Variants in EXOC6B observed in about 807,000 individuals in gnomAD.
EXOC6B encodes the protein exocyst complex component 6B.
EXOC6B carries 54 observed loss-of-function variants against 113.5 expected under a neutral mutation model. That is an observed-to-expected ratio of 0.48 (90% confidence interval 0.38 to 0.60). The LOEUF (loss-of-function observed/expected upper bound fraction) is 0.60, where lower values mean the gene tolerates loss of function less well. Ranked by LOEUF, EXOC6B falls within the 20% of genes least tolerant of loss-of-function variation. The probability of loss-of-function intolerance (pLI) is 0.00; values close to 1 mark genes in which losing one functional copy is unlikely to be tolerated. For missense variants in EXOC6B, 797 were observed against 977.5 expected (o/e 0.82, Z 2.46); for synonymous variants, 357 against 339.0 (o/e 1.05, Z -0.58).
At chr2:72,186,538 T>TAA (rs35998544) in intron 20 of EXOC6B, among the ~76,000 whole-genome samples, 14,721 of 149,170 alleles carry the variant, frequency 0.099, 1,178 homozygotes, top group African/African-American at 0.23. Context: ...TTTTCACAAA[T>TAA]AAAAAAAAAA....
At chr2:72,244,729 C>T (rs906933401) in intron 20 of EXOC6B, among the ~76,000 whole-genome samples, 1 of 152,010 alleles carries the variant, frequency 6.6e-6, no homozygotes, top group African/African-American at 2.4e-5. Flanking sequence ...ATGACTGATA[C>T]ACCATTAACA....
At position 72,600,333 on chromosome 2, in the gene EXOC6B, T is replaced by C. The variant is rs571949928; in HGVS notation, c.670-24665A>G. Among the ~76,000 whole-genome samples the C allele has an allele frequency of 3.3e-5, 5 of 150,140 alleles. No homozygotes were observed. The Admixed American group carries it at 3.3e-4, about 10-fold the overall frequency. On this transcript the variant is annotated intron_variant, in intron 6 of 21. Coordinates refer to ENST00000272427, the MANE Select transcript of EXOC6B (RefSeq NM_015189.3). ...GCATACACCTGTTAGTCCCAGCTAC[T>C]GGGGAGGATGAGGTGGGCGTTTCCC...
intron 20 of EXOC6B, among the ~76,000 whole-genome samples, chr2:72,282,539 CAG>C (rs1237051964): frequency 2.7e-5 from 4 of 150,736 alleles, no homozygotes; most frequent in East Asian, 3.9e-4. Flanking sequence ...AAGTAGAAAA[CAG>C]AAAGTATAAG....
intron 19 of EXOC6B, among the ~76,000 whole-genome samples, chr2:72,351,762 T>C (rs2104944668): frequency 6.6e-6 from 1 of 152,296 alleles, no homozygotes; most frequent in East Asian, 1.9e-4. Context: ...CCTTTTGCTA[T>C]AATTATTTTT....
intron 6 of EXOC6B, among the ~76,000 whole-genome samples, chr2:72,699,649 T>C (rs529326010): frequency 4.5e-4 from 68 of 152,260 alleles, no homozygotes; most frequent in Non-Finnish European, 8.5e-4. Flanking sequence ...CTTTCTTATA[T>C]GGTTTATTTA....
chr2:72,442,395 T>A (rs890457861), intron 18 of EXOC6B, among the ~76,000 whole-genome samples: 5 of 152,142 alleles, frequency 3.3e-5, no homozygotes, highest in African/African-American at 4.8e-5. Flanking sequence ...GTAATGGAAG[T>A]TCTGGCCAAG....
chr2:72,750,222 A>G (rs1031880122), intron 1 of EXOC6B, among the ~76,000 whole-genome samples: 1 of 152,024 alleles, frequency 6.6e-6, no homozygotes, highest in Non-Finnish European at 1.5e-5. Context: ...CTTTAACTCT[A>G]TAAGCAATTA....
chr2:72,361,097 G>A (rs1319749126), intron 19 of EXOC6B, among the ~76,000 whole-genome samples: 2 of 152,026 alleles, frequency 1.3e-5, no homozygotes, highest in African/African-American at 4.8e-5. Context: ...CAGTGTTAAG[G>A]GTGAAAAGAA....
At chr2:72,231,026 T>C (rs1335702655) in intron 20 of EXOC6B, among the ~76,000 whole-genome samples, 4 of 152,184 alleles carry the variant, frequency 2.6e-5, no homozygotes, top group Non-Finnish European at 5.9e-5. Flanking sequence ...TTAACATTGA[T>C]TTAATAAAAT....
chr2:72,772,933 C>T (rs1037910822), intron 1 of EXOC6B, among the ~76,000 whole-genome samples: 1 of 151,884 alleles, frequency 6.6e-6, no homozygotes, highest in Admixed American at 6.6e-5. Flanking sequence ...CAGTAGCCAG[C>T]CCTAAAGAAA....
intron 1 of EXOC6B, among the ~76,000 whole-genome samples, chr2:72,778,052 TA>T (rs1198437541): frequency 6.6e-6 from 1 of 151,896 alleles, no homozygotes; most frequent in African/African-American, 2.4e-5. Flanking sequence ...ACACACAAAA[TA>T]AATAGCAAAA....
At chr2:72,749,202 T>A (rs1681887513) in intron 1 of EXOC6B, among the ~76,000 whole-genome samples, 1 of 152,132 alleles carries the variant, frequency 6.6e-6, no homozygotes, top group Admixed American at 6.6e-5. Context: ...CTGGTGATAC[T>A]TATTGACTCT....
Position 72,687,181 on chromosome 2 carries a change from T to C in EXOC6B, c.669+30922A>G, listed in dbSNP as rs538130447. The stretch of plus-strand genomic sequence containing the variant: ...TTGTTTTTTCCCCAACTTCCCAACT[T>C]TCATTCTTATGTTTTTCTTACTTTA... On this transcript the variant is annotated intron_variant, in intron 6 of 21. Coordinates refer to ENST00000272427, the MANE Select transcript of EXOC6B (RefSeq NM_015189.3). Among the ~76,000 whole-genome samples the C allele has an allele frequency of 3.9e-4, 59 of 152,192 alleles. 1 individual carries two copies. The highest frequency in any genetic ancestry group is 7.1e-4 in the Non-Finnish European group (48 of 68,000).
intron 8 of EXOC6B, among the ~76,000 whole-genome samples, chr2:72,542,482 A>G (rs1450940844): frequency 6.6e-6 from 1 of 152,236 alleles, no homozygotes; most frequent in Non-Finnish European, 1.5e-5. Context: ...TGAAAAAGTA[A>G]AGAATCTATT....
intron 6 of EXOC6B, among the ~76,000 whole-genome samples, chr2:72,613,074 G>A (rs983828423): frequency 7.9e-5 from 12 of 152,064 alleles, no homozygotes; most frequent in Non-Finnish European, 1.6e-4. Context: ...ATAAACAACT[G>A]AAGATATTTT....
intron 20 of EXOC6B, among the ~76,000 whole-genome samples, chr2:72,192,131 A>C (rs1459326806): frequency 6.6e-6 from 1 of 152,124 alleles, no homozygotes; most frequent in Non-Finnish European, 1.5e-5. Context: ...TATGAGCCTC[A>C]TCTCCCACGT....
At chr2:72,647,991 G>A (rs1301322912) in intron 6 of EXOC6B, among the ~76,000 whole-genome samples, 1 of 152,264 alleles carries the variant, frequency 6.6e-6, no homozygotes, top group African/African-American at 2.4e-5. Flanking sequence ...GAGTGAACAG[G>A]AAACCTACAG....
intron 19 of EXOC6B, chr2:72,335,297 G>A (rs376535642): frequency 5.0e-5 from 15 of 298,808 alleles, no homozygotes; most frequent in African/African-American, 2.4e-4. Context: ...TTTGTTTTGT[G>A]AATGGACAAA....
intron 6 of EXOC6B, among the ~76,000 whole-genome samples, chr2:72,603,925 C>T (rs1184175323): frequency 6.6e-6 from 1 of 152,048 alleles, no homozygotes; most frequent in South Asian, 2.1e-4. Flanking sequence ...GGACTTCCCC[C>T]ACCCACTACA....
Sources: gnomAD v4.1 joint callset for allele counts (sites outside exome capture counted in the v4.1 genomes callset) on GRCh38, gnomAD v4.1.1 for gene constraint, MANE v1.5 for transcripts, NCBI Gene and HGNC (gene_info 2026-07-23, HGNC 2026-07-21) for gene names.